NRXN1: variants seen among roughly 807,000 people sequenced by gnomAD.
NRXN1 encodes the protein neurexin 1, also known as neurexin-1.
A neutral mutation model predicts 150.9 loss-of-function variants in NRXN1; 39 were observed. That is an observed-to-expected ratio of 0.26 (90% CI 0.20 to 0.34). The LOEUF (loss-of-function observed/expected upper bound fraction) is 0.34. NRXN1 is among the 10% of genes least tolerant of loss of function. The pLI is 1.00. For synonymous variants in NRXN1, 924 were observed against 757.0 expected (o/e 1.22, Z -3.62); for missense variants, 1,815 against 1,949.9 (o/e 0.93, Z 1.30).
intron 18 of NRXN1, among the ~76,000 whole-genome samples, chr2:50,183,334 A>G (rs1256258258): frequency 2.0e-5 from 3 of 152,042 alleles, no homozygotes; most frequent in Admixed American, 1.3e-4. Flanking sequence ...GCAGCTGTCA[A>G]TTTGTTATCG....
chr2:49,985,195 A>G (rs1680693545), intron 21 of NRXN1, among the ~76,000 whole-genome samples: 1 of 152,232 alleles, frequency 6.6e-6, no homozygotes, highest in Non-Finnish European at 1.5e-5. Flanking sequence ...CACCTAGCAG[A>G]GAAACTAGCA....
chr2:50,728,288 C>T (rs1276984026), intron 5 of NRXN1, among the ~76,000 whole-genome samples: 1 of 152,124 alleles, frequency 6.6e-6, no homozygotes, highest in African/African-American at 2.4e-5. Context: ...TCAGCATTTC[C>T]ACTTATCCTA....
At chr2:50,647,612 A>G (rs926771500) in intron 5 of NRXN1, among the ~76,000 whole-genome samples, 13 of 152,018 alleles carry the variant, frequency 8.6e-5, no homozygotes, top group African/African-American at 3.1e-4. Flanking sequence ...AGACCCAAAG[A>G]AAAGCTTTAC....
chr2:50,304,214 C>G (rs1399692576), intron 17 of NRXN1, among the ~76,000 whole-genome samples: 2 of 152,032 alleles, frequency 1.3e-5, no homozygotes, highest in African/African-American at 4.8e-5. Flanking sequence ...GTGAACCAAA[C>G]CCTATAAAGA....
chr2:50,773,094 A>G (rs1703202669), intron 5 of NRXN1, among the ~76,000 whole-genome samples: 1 of 152,052 alleles, frequency 6.6e-6, no homozygotes, highest in Non-Finnish European at 1.5e-5. Flanking sequence ...TTACCTACCT[A>G]ATTTCCTTTC....
chr2:49,963,020 A>G (rs199702855), intron 21 of NRXN1, among the ~76,000 whole-genome samples: 1 of 152,244 alleles, frequency 6.6e-6, no homozygotes, highest in South Asian at 2.1e-4. Context: ...AACTGACAAA[A>G]TAAAACAGGA....
chr2:50,646,626 C>A (rs1338401176), intron 5 of NRXN1, among the ~76,000 whole-genome samples: 1 of 149,810 alleles, frequency 6.7e-6, no homozygotes, highest in African/African-American at 2.4e-5. Flanking sequence ...GAACTAGGTT[C>A]AATTATTCAA....
At chr2:50,598,375 CT>C (rs547512187) in intron 8 of NRXN1, among the ~76,000 whole-genome samples, 114 of 151,804 alleles carry the variant, frequency 7.5e-4, no homozygotes, top group African/African-American at 2.6e-3. Flanking sequence ...AGTTACTTAG[CT>C]TCCTTGAGCC....
chr2:50,594,574 G>C (rs767533859), intron 8 of NRXN1, among the ~76,000 whole-genome samples: 1 of 152,148 alleles, frequency 6.6e-6, no homozygotes, highest in African/African-American at 2.4e-5. Flanking sequence ...AAACCAAAAA[G>C]CAAAGCCTTC....
intron 5 of NRXN1, among the ~76,000 whole-genome samples, chr2:50,773,918 C>T (rs960517349): frequency 2.0e-4 from 31 of 152,208 alleles, no homozygotes; most frequent in Middle Eastern, 3.4e-3. Context: ...CAACAGAACA[C>T]TGATGAGAAG....
At chr2:50,285,244 A>G (rs61689777) in intron 17 of NRXN1, among the ~76,000 whole-genome samples, 27,028 of 152,144 alleles carry the variant, frequency 0.18, 2,647 homozygotes, top group East Asian at 0.38. Context: ...TGCAAGCTTT[A>G]TGAATTTTTT....
At chr2:50,332,490 C>T (rs1404613720) in intron 17 of NRXN1, among the ~76,000 whole-genome samples, 3 of 152,152 alleles carry the variant, frequency 2.0e-5, no homozygotes, top group Non-Finnish European at 2.9e-5. Flanking sequence ...TACCTGAAAG[C>T]ATTCACCTTC....
At chr2:50,470,212 C>G (rs886193295) in intron 16 of NRXN1, among the ~76,000 whole-genome samples, 8 of 151,684 alleles carry the variant, frequency 5.3e-5, no homozygotes, top group Admixed American at 4.0e-4. Context: ...TACACATTCT[C>G]ACTAATGAGA....
chr2:50,667,850 T>G, intron 5 of NRXN1, among the ~76,000 whole-genome samples: 1 of 152,020 alleles, frequency 6.6e-6, no homozygotes, highest in South Asian at 2.1e-4. Context: ...TAGTCTGAAG[T>G]TGGTTAAGCC....
chr2:50,732,474 G>C (rs967440385), intron 5 of NRXN1, among the ~76,000 whole-genome samples: 3 of 152,134 alleles, frequency 2.0e-5, no homozygotes, highest in Non-Finnish European at 4.4e-5. Context: ...AATGCGGTCT[G>C]TACTTTTCAC....
chr2:50,871,796 T>C (rs1677820518), intron 5 of NRXN1, among the ~76,000 whole-genome samples: 1 of 151,852 alleles, frequency 6.6e-6, no homozygotes, highest in African/African-American at 2.4e-5. Context: ...TAAGCAGAGA[T>C]GTCACATTCA....
At position 50,260,867 on chromosome 2, in the gene NRXN1, T is replaced by C. The variant is rs2068197708; in HGVS notation, c.3365-23897A>G. On this transcript the variant is annotated intron_variant, in intron 17 of 22. Coordinates refer to ENST00000401669, the MANE Select transcript of NRXN1 (RefSeq NM_001330078.2). ...ACACTCAAAATCCTCAGGAGATCAG[T>C]CTCTTCTCCTGTTCCTCTACGGCTC... Among the ~76,000 whole-genome samples, 3 of 151,610 alleles carry C rather than the reference T, an allele frequency of 2.0e-5. No individual in the cohort carries two copies. The South Asian group carries it at 6.2e-4, about 31-fold the overall frequency.
At chr2:50,146,037 T>C (rs1294203244) in intron 18 of NRXN1, among the ~76,000 whole-genome samples, 1 of 151,578 alleles carries the variant, frequency 6.6e-6, no homozygotes, top group African/African-American at 2.4e-5. Context: ...AATATGAGTG[T>C]CATGGAGACA....
At chr2:50,188,514 T>C (rs984473043) in intron 18 of NRXN1, among the ~76,000 whole-genome samples, 1 of 152,086 alleles carries the variant, frequency 6.6e-6, no homozygotes, top group African/African-American at 2.4e-5. Context: ...AATGCCAAAA[T>C]TGACAAATGG....
Sources: gnomAD v4.1 joint callset for allele counts (sites outside exome capture counted in the v4.1 genomes callset) on GRCh38, gnomAD v4.1.1 for gene constraint, MANE v1.5 for transcripts, NCBI Gene and HGNC (gene_info 2026-07-23, HGNC 2026-07-21) for gene names.